FMO3: variants seen among roughly 807,000 people sequenced by gnomAD.
The protein encoded by FMO3 is flavin-containing monooxygenase 3.
In FMO3, 40 loss-of-function variants were observed where a neutral mutation model predicts 39.4. The ratio of observed to expected loss-of-function variants is 1.02; its 90% CI spans 0.79 to 1.32. The LOEUF (loss-of-function observed/expected upper bound fraction) is 1.32. FMO3 is among the 40% of genes most tolerant of loss of function. The probability of loss-of-function intolerance (pLI) is 0.00; values close to 1 mark genes in which losing one functional copy is unlikely to be tolerated. For missense variants in FMO3, 680 were observed against 651.8 expected, an observed-to-expected ratio of 1.04 and a Z score of -0.47; for synonymous variants, 219 against 228.8, an observed-to-expected ratio of 0.96 and a Z score of 0.39.
At chr1:171,091,425 T>C (rs1168261804) in intron 1 of FMO3, among the ~76,000 whole-genome samples, 2 of 151,846 alleles carry the variant, frequency 1.3e-5, no homozygotes, top group Non-Finnish European at 2.9e-5. Flanking sequence ...TGCATAGCTA[T>C]GTGATTTTGT....
chr1:171,096,302 TCA>T (rs1655045974), intron 2 of FMO3, among the ~76,000 whole-genome samples: 1 of 93,508 alleles, frequency 1.1e-5, no homozygotes, highest in African/African-American at 4.6e-5. Context: ...CTATTATATA[TCA>T]TATATAATAT....
chr1:171,096,072 T>TA (rs1156773803), intron 2 of FMO3, among the ~76,000 whole-genome samples: 5,574 of 50,624 alleles, frequency 0.11, 496 homozygotes, highest in African/African-American at 0.29. Context: ...TATTATATAT[T>TA]AATATATAAT....
chr1:171,111,047 A>C, intron 6 of FMO3, 50 bp downstream of exon 6: 1 of 1,442,468 alleles, frequency 6.9e-7, no homozygotes, highest in Non-Finnish European at 9.8e-7. Flanking sequence ...GTTCAGTGTC[A>C]ACAACCCTTA....
Position 171,092,835 on chromosome 1 carries a change from G to GA in FMO3, c.132+45_132+46insA, listed in dbSNP as rs759156689. ...AATAGACAGGAAAATAGGTTGGGAA[G>GA]TGTATAAGAGCACACTGTGTGCACA... On this transcript the variant is annotated intron_variant, in intron 2 of 8. Transcript: ENST00000367755. 4.4e-6 allele frequency: 7 copies of GA among 1,605,390 alleles called. No individual in the cohort carries two copies. In the South Asian group the frequency reaches 7.7e-5, roughly 18 times the overall value.
intron 2 of FMO3, among the ~76,000 whole-genome samples, chr1:171,096,037 A>ATTTT (rs1654988116): frequency 3.1e-5 from 2 of 65,468 alleles, no homozygotes; most frequent in Non-Finnish European, 4.7e-5. Context: ...TATATAATAT[A>ATTTT]TATTATATAT....
chr1:171,117,348 T>G lies in FMO3; in HGVS notation c.1505T>G (p.Val502Gly), dbSNP rs60306057. 3.4e-4 allele frequency: 544 copies of G among 1,613,310 alleles called. 12 individuals are homozygous for G. In the Admixed American group the frequency reaches 8.3e-3, roughly 25 times the overall value. ...TTGAAACCCATGCAGACACGAGTGG[T>G]CGGGAGACTTCAGAAGCCTTGCTTC... Reference protein sequence around the residue: ...RSLKPMQTRVVGRLQKPCFFF... With the variant: ...RSLKPMQTRVGGRLQKPCFFF... Residue 502 changes from valine (V) to glycine (G), a missense_variant, in exon 9 of 9, where the codon GTC becomes GGC. Coordinates refer to ENST00000367755, the MANE Select transcript of FMO3 (RefSeq NM_001002294.3).
Position 171,117,094 on chromosome 1 carries a change from C to G in FMO3, c.1257-6C>G. 6.2e-7 allele frequency: 1 copy of G among 1,610,776 alleles called. No individual in the cohort carries two copies. Among genetic ancestry groups the G allele is most frequent in the African/African-American group, 1.3e-5 (1 of 75,008 alleles). ...TCCACAGTGGTGTTTTCTCTCCCAT[C>G]TCCAGGTTTGGCAAAAGCGAGACCA... is the stretch of plus-strand genomic sequence containing the variant. On this transcript the variant is annotated splice_region_variant and splice_polypyrimidine_tract_variant and intron_variant, in intron 8 of 8. Transcript: ENST00000367755.
intron 2 of FMO3, chr1:171,101,096 G>A: frequency 2.2e-6 from 1 of 456,130 alleles, no homozygotes. Context: ...CATGAGTGAA[G>A]GCGTACAAGA....
rs147595777 is a variant in FMO3 at position 171,112,418 on chromosome 1, G to A, written c.827+1421G>A. 1.2e-4 allele frequency among the ~76,000 whole-genome samples: 19 copies of A among 152,312 alleles called. No homozygotes were observed. In the East Asian group the frequency reaches 3.7e-3, roughly 29 times the overall value. ...AAGCTACTCTCAAAAACCTGAATCA[G>A]AGGGGATGTTGGTCTGGACCAAAAT... is the stretch of plus-strand genomic sequence containing the variant. On this transcript the variant is annotated intron_variant, in intron 6 of 8. Transcript: ENST00000367755.
Position 171,092,911 on chromosome 1 carries a change from A to C in FMO3, c.132+121A>C, listed in dbSNP as rs908649879. ...CAGTTATCATATCTGTTAGAATTGG[A>C]ATCCACTAAGTACAGTGTCAAGAGC... On this transcript the variant is annotated intron_variant, in intron 2 of 8. Coordinates refer to ENST00000367755, the MANE Select transcript of FMO3 (RefSeq NM_001002294.3). 4 of 1,083,480 alleles carry C rather than the reference A, an allele frequency of 3.7e-6. No individual in the cohort carries two copies. The African/African-American group carries it at 6.2e-5, about 17-fold the overall frequency. The allele number at this position is 1,083,480 out of a possible 1,614,324, so 67.1% of individuals were successfully genotyped here.
Position 171,117,164 on chromosome 1 carries a change from A to G in FMO3, c.1321A>G (p.Ile441Val). The change falls in exon 9 of 9, where the codon ATT becomes GTT. Residue 441 changes from isoleucine (I) to valine (V), a missense_variant. Coordinates refer to ENST00000367755, the MANE Select transcript of FMO3 (RefSeq NM_001002294.3). The stretch of plus-strand genomic sequence containing the variant: ...TTATATGGATGAACTCTCCTCCTTC[A>G]TTGGGGCAAAGCCCAACATCCCATG... ...IVYMDELSSF[I>V]GAKPNIPWLF... 1.2e-6 allele frequency: 2 copies of G among 1,614,168 alleles called. No individual in the cohort carries two copies. The highest frequency in any genetic ancestry group is 8.5e-7 in the Non-Finnish European group (1 of 1,180,016).
At chr1:171,110,766 C>T in intron 5 of FMO3, 32 bp from the exon 6 acceptor site, 3 of 1,603,652 alleles carry the variant, frequency 1.9e-6, no homozygotes, top group Admixed American at 1.7e-5. Flanking sequence ...CAAATGGTCA[C>T]TAATTTCATG....
At position 171,103,953 on chromosome 1, in the gene FMO3, C is replaced by G; in HGVS notation, c.301C>G (p.Leu101Val). 1 of 1,612,752 alleles carries G rather than the reference C, an allele frequency of 6.2e-7. No individual in the cohort carries two copies. Among genetic ancestry groups the G allele is most frequent in the East Asian group, 2.2e-5 (1 of 44,862 alleles). ...IIAFAKEKNL[L>V]KYIQFKTFVS... ...TGCATTTGCCAAAGAAAAGAACCTC[C>G]TGAAGTACATACAATTTAAGGTAAG... The change falls in exon 3 of 9, where the codon CTG (leucine) becomes GTG (valine). Residue 101 changes from leucine (L) to valine (V), a missense_variant. By Grantham distance (32) the Leu-to-Val change is conservative. Coordinates refer to ENST00000367755, the MANE Select transcript of FMO3 (RefSeq NM_001002294.3).
intron 2 of FMO3, among the ~76,000 whole-genome samples, chr1:171,096,235 AT>A (rs1218827424): frequency 4.3e-5 from 2 of 46,998 alleles, no homozygotes; most frequent in Admixed American, 3.8e-4. Context: ...CATAAAATAT[AT>A]TATTTCATAC....
Position 171,117,647 on chromosome 1 carries a change from T to C in FMO3, c.*205T>C. 1 of 484,168 alleles carries C rather than the reference T, an allele frequency of 2.1e-6. No individual in the cohort carries two copies. The highest frequency in any genetic ancestry group is 3.1e-5 in the East Asian group (1 of 31,868). The allele number at this position is 484,168 out of a possible 1,614,324, so 30.0% of individuals were successfully genotyped here. ...TCATGTCATGATCTTAAGAGAGCAC[T>C]AATCATTTCTGTTTGAGTTCCACTA... On this transcript the variant is annotated 3_prime_UTR_variant, in exon 9 of 9. Transcript: ENST00000367755.
chr1:171,104,075 T>G, intron 3 of FMO3, 102 bp downstream of exon 3: 1 of 903,928 alleles, frequency 1.1e-6, no homozygotes, highest in Non-Finnish European at 1.8e-6. Flanking sequence ...TTCTAATTTG[T>G]CAACATTTTT....
rs763703870 is a variant in FMO3, at chr1:171,101,222, G to A, written c.133-2563G>A. On this transcript the variant is annotated intron_variant, in intron 2 of 8. Coordinates refer to ENST00000367755, the MANE Select transcript of FMO3 (RefSeq NM_001002294.3). ...AATGAACATGGTACTGTCACACTTC[G>A]TTTTCAGCCTACTGATAGTGATTCC... 17 of 456,060 alleles carry A rather than the reference G, an allele frequency of 3.7e-5. 1 individual carries two copies. The highest frequency in any genetic ancestry group is 1.9e-4 in the South Asian group (12 of 64,558). 28.3% of individuals were successfully genotyped at this position (456,060 alleles called of 1,614,324 possible).
intron 2 of FMO3, chr1:171,101,211 T>C (rs771437682): frequency 2.0e-5 from 9 of 456,258 alleles, no homozygotes; most frequent in South Asian, 1.4e-4. Context: ...AACATGGTAC[T>C]GTCACACTTC....
chr1:171,096,124 A>ATTTTT (rs1655020614), intron 2 of FMO3, among the ~76,000 whole-genome samples: 1 of 76,592 alleles, frequency 1.3e-5, no homozygotes, highest in Admixed American at 2.5e-4. Flanking sequence ...ATATATTAAT[A>ATTTTT]ATATAGTAAT....
Sources: gnomAD v4.1 joint callset for allele counts (sites outside exome capture counted in the v4.1 genomes callset) on GRCh38, gnomAD v4.1.1 for gene constraint, MANE v1.5 for transcripts, NCBI Gene and HGNC (gene_info 2026-07-23, HGNC 2026-07-21) for gene names.